The following NSD2 variants were observed in gnomAD, a reference collection of about 807,000 sequenced individuals.
NSD2 encodes nuclear receptor binding SET domain protein 2, also known as histone-lysine N-methyltransferase NSD2.
NSD2 carries 12 observed loss-of-function variants against 139.0 expected under a neutral mutation model. The ratio of observed to expected loss-of-function variants is 0.09; its 90% CI spans 0.06 to 0.14. The LOEUF (loss-of-function observed/expected upper bound fraction) is 0.14, where lower values mean the gene tolerates loss of function less well. Ranked by LOEUF, NSD2 falls within the 10% of genes least tolerant of loss-of-function variation. The pLI is 1.00. For missense variants in NSD2, 1,155 were observed against 1,745.0 expected (o/e 0.66, Z 6.02); for synonymous variants, 669 against 648.7 (o/e 1.03, Z -0.48).
At chr4:1,949,960 A>G (rs923756062) in intron 9 of NSD2, among the ~76,000 whole-genome samples, 9 of 152,138 alleles carry the variant, frequency 5.9e-5, no homozygotes, top group Admixed American at 2.6e-4. Context: ...GCCCAATTCC[A>G]ATTTCTGACT....
At chr4:1,879,029 T>C (rs1030993855) in intron 1 of NSD2, among the ~76,000 whole-genome samples, 7 of 152,060 alleles carry the variant, frequency 4.6e-5, no homozygotes, top group Non-Finnish European at 8.8e-5. Flanking sequence ...TGACCTACCT[T>C]ATTTCCTTCC....
At chr4:1,898,348 A>G (rs1484704515) in intron 1 of NSD2, among the ~76,000 whole-genome samples, 1 of 152,154 alleles carries the variant, frequency 6.6e-6, no homozygotes, top group East Asian at 1.9e-4. Context: ...CGGCCTCCCA[A>G]AGCCTGACCA....
rs543985926 is a variant in NSD2, at chr4:1,934,700, T to C, written c.1556-444T>C. 2.5e-3 allele frequency among the ~76,000 whole-genome samples: 364 copies of C among 147,478 alleles called. 3 individuals are homozygous for C. The highest frequency in any genetic ancestry group is 8.7e-3 in the African/African-American group (348 of 40,126). ...CCATCTTTACTAAAAATATAAAAATTAGCTGGGCGTGGTGGCACGTGCCTG... is the reference window on the plus strand; with the variant it reads ...CCATCTTTACTAAAAATATAAAAATCAGCTGGGCGTGGTGGCACGTGCCTG... On this transcript the variant is annotated intron_variant, in intron 6 of 21. Coordinates refer to ENST00000508803, the MANE Select transcript of NSD2 (RefSeq NM_001042424.3).
intron 16 of NSD2, among the ~76,000 whole-genome samples, chr4:1,959,249 A>C (rs1725132631): frequency 6.6e-6 from 1 of 152,070 alleles, no homozygotes; most frequent in African/African-American, 2.4e-5. Context: ...AAATAATGTG[A>C]GGGGGCGTTG....
chr4:1,938,589 T>TGGGTGGGGG, intron 8 of NSD2, 57 bp downstream of exon 8: 1 of 537,354 alleles, frequency 1.9e-6, no homozygotes, highest in Non-Finnish European at 3.5e-6. Flanking sequence ...CTGGGCTGGG[T>TGGGTGGGGG]GGGTGGGCTG....
Position 1,896,758 on chromosome 4 carries a change from CCTTCTTTCT to C in NSD2, c.-29-3867_-29-3859del, listed in dbSNP as rs1261188263. 4.7e-5 allele frequency among the ~76,000 whole-genome samples: 7 copies of C among 148,960 alleles called. No homozygotes were observed. In the Admixed American group the frequency reaches 4.7e-4, roughly 10 times the overall value. ...CTTCTCTCTTTCTCTTTCTTTCTTTCCTTCTTTCTTCTCTTTTTTTTCTTTTCTTTTCTT... is the reference window on the plus strand; with the variant it reads ...CTTCTCTCTTTCTCTTTCTTTCTTTCTCTCTTTTTTTTCTTTTCTTTTCTT... On this transcript the variant is annotated intron_variant, in intron 1 of 21. Transcript: ENST00000508803.
chr4:1,948,935 C>T lies in NSD2; in HGVS notation c.1882-2137C>T, dbSNP rs188636828. On this transcript the variant is annotated intron_variant, in intron 9 of 21. Transcript: ENST00000508803. This position sits in a 1 kb window ranked among gnomAD's most constrained non-coding sequence, Gnocchi z 4.5. ...GAAGAGCATGGGTTGGTGGATAGCG[C>T]TGGGGCTCTCTCCCCTGAGCCATGC... is the stretch of plus-strand genomic sequence containing the variant. 2.0e-5 allele frequency: 9 copies of T among 448,992 alleles called. No individual in the cohort carries two copies. The highest frequency in any genetic ancestry group is 9.1e-5 in the East Asian group (1 of 10,934). 27.8% of individuals were successfully genotyped at this position (448,992 alleles called of 1,614,324 possible).
rs1727563886 is a variant in NSD2 at position 1,979,716 on chromosome 4, T to TAATAC, written c.*808_*809insATACA. 1 of 232,302 alleles carries TAATAC rather than the reference T, an allele frequency of 4.3e-6. No homozygotes were observed. The highest frequency in any genetic ancestry group is 6.1e-5 in the East Asian group (1 of 16,460). 14.4% of individuals were successfully genotyped at this position (232,302 alleles called of 1,614,324 possible). On this transcript the variant is annotated 3_prime_UTR_variant, in exon 22 of 22. Transcript: ENST00000508803. ...TCAACATTTGGGGGATAACTTTGTA[T>TAATAC]ATTTTTTTCATTTGGCTTTTCTTTA...
intron 3 of NSD2, among the ~76,000 whole-genome samples, chr4:1,908,447 T>G (rs569524898): frequency 1.2e-4 from 18 of 152,308 alleles, no homozygotes; most frequent in African/African-American, 2.9e-4. Flanking sequence ...ATATACTTTT[T>G]TGTGTGTGTG....
chr4:1,930,901 G>C, intron 6 of NSD2, 131 bp downstream of exon 6: 1 of 1,191,564 alleles, frequency 8.4e-7, no homozygotes, highest in Non-Finnish European at 1.1e-6. Context: ...GTTTGGGCCA[G>C]CGGTCCAAGT....
intron 9 of NSD2, chr4:1,940,913 C>G (rs1364411360): frequency 1.5e-5 from 16 of 1,057,136 alleles, no homozygotes; most frequent in Non-Finnish European, 1.7e-5. Flanking sequence ...GCGACCACTC[C>G]TCCGAGTGGG....
chr4:1,878,386 G>C (rs2108671180), intron 1 of NSD2, among the ~76,000 whole-genome samples: 1 of 149,926 alleles, frequency 6.7e-6, no homozygotes, highest in Non-Finnish European at 1.5e-5. Context: ...CGGATTACAG[G>C]CGTAAGCCAC....
chr4:1,881,456 G>T lies in NSD2; in HGVS notation c.-30+9914G>T, dbSNP rs1363567712. ...TTTTTTGTATTTTTAGTAGAGACGG[G>T]GTTTCACCGTGTTAGCCAGGATGGT... is the stretch of plus-strand genomic sequence containing the variant. On this transcript the variant is annotated intron_variant, in intron 1 of 21. Coordinates refer to ENST00000508803, the MANE Select transcript of NSD2 (RefSeq NM_001042424.3). Among the ~76,000 whole-genome samples the T allele has an allele frequency of 2.0e-5, 3 of 152,236 alleles. No individual in the cohort carries two copies. In the South Asian group the frequency reaches 6.2e-4, roughly 32 times the overall value.
At chr4:1,924,816 A>T (rs1720643652) in intron 5 of NSD2, among the ~76,000 whole-genome samples, 1 of 152,016 alleles carries the variant, frequency 6.6e-6, no homozygotes, top group Non-Finnish European at 1.5e-5. Flanking sequence ...AGTCTTAGTT[A>T]CTCAGGAAGC....
Position 1,942,687 on chromosome 4 carries a change from C to T in NSD2, c.1881+2909C>T. 1.8e-6 allele frequency: 2 copies of T among 1,137,332 alleles called. No homozygotes were observed. The highest frequency in any genetic ancestry group is 1.1e-6 in the Non-Finnish European group (1 of 923,204). The allele number at this position is 1,137,332 out of a possible 1,614,324, so 70.5% of individuals were successfully genotyped here. A position where few individuals can be genotyped will look rare whatever the true frequency, so the allele number is the denominator to read the frequency against. On this transcript the variant is annotated intron_variant, in intron 9 of 21. Transcript: ENST00000508803. The surrounding 1 kb of genome is among the most constrained non-coding windows in gnomAD (Gnocchi z 4.0). Reference sequence around the variant, plus strand: ...GGCAGTCCCTTTAGTTGGGGGCTGTCCAGAGCTGCAGCAGGGCTTTGCACG... The same window carrying T: ...GGCAGTCCCTTTAGTTGGGGGCTGTTCAGAGCTGCAGCAGGGCTTTGCACG...
intron 9 of NSD2, chr4:1,945,113 C>T (rs370017398): frequency 1.5e-4 from 161 of 1,066,188 alleles, no homozygotes; most frequent in Non-Finnish European, 1.7e-4. Context: ...AGAGGATCTC[C>T]GAGAGGTCCC....
rs1006038779 is a variant in NSD2 at position 1,980,125 on chromosome 4, C to T, written c.*1216C>T. On this transcript the variant is annotated 3_prime_UTR_variant, in exon 22 of 22. Coordinates refer to ENST00000508803, the MANE Select transcript of NSD2 (RefSeq NM_001042424.3). ...GGTGGAGGCCTGCCTGGCAGGTGTG[C>T]GTGCCTCGTACGTGTGTTATGGGCA... 1.7e-5 allele frequency: 4 copies of T among 233,232 alleles called. No homozygotes were observed. Among genetic ancestry groups the T allele is most frequent in the Non-Finnish European group, 3.4e-5 (4 of 118,110 alleles). 14.4% of individuals were successfully genotyped at this position (233,232 alleles called of 1,614,324 possible). A position where few individuals can be genotyped will look rare whatever the true frequency, so the allele number is the denominator to read the frequency against.
chr4:1,981,629 C>T lies in NSD2; in HGVS notation c.*2720C>T, dbSNP rs912782176. On this transcript the variant is annotated 3_prime_UTR_variant, in exon 22 of 22. Transcript: ENST00000508803. The stretch of plus-strand genomic sequence containing the variant: ...GCACCTGAAGTGAGAACCCAGCTGT[C>T]CGTCCTCAGGCCGGCCTTTCTTCCG... 9 of 381,806 alleles carry T rather than the reference C, an allele frequency of 2.4e-5. No homozygotes were observed. The highest frequency in any genetic ancestry group is 1.3e-3 in the Middle Eastern group (2 of 1,514). 23.7% of individuals were successfully genotyped at this position (381,806 alleles called of 1,614,324 possible).
chr4:1,943,303 G>A lies in NSD2; in HGVS notation c.1881+3525G>A, dbSNP rs542527801. 51 of 1,043,154 alleles carry A rather than the reference G, an allele frequency of 4.9e-5. No individual in the cohort carries two copies. In the African/African-American group the frequency reaches 7.7e-4, roughly 16 times the overall value. 64.6% of individuals were successfully genotyped at this position (1,043,154 alleles called of 1,614,324 possible). On this transcript the variant is annotated intron_variant, in intron 9 of 21. Transcript: ENST00000508803. Reference sequence around the variant, plus strand: ...TGGCTGTGTTTTATCTTTAATGAACGTTTCTGACTAATATTTTGTTGTAAA... The same window carrying A: ...TGGCTGTGTTTTATCTTTAATGAACATTTCTGACTAATATTTTGTTGTAAA...
Sources: allele counts gnomAD v4.1 joint callset (sites outside exome capture counted in the v4.1 genomes callset), GRCh38; gene constraint gnomAD v4.1.1; non-coding constraint Gnocchi (gnomAD v3.1); transcripts MANE v1.5; gene names NCBI Gene and HGNC (gene_info 2026-07-23, HGNC 2026-07-21).